The following DUX4 variants were observed in gnomAD, a reference collection of about 807,000 sequenced individuals.
DUX4 encodes double homeobox protein 4.
downstream of DUX4, among the ~76,000 whole-genome samples, chr4:190,178,267 T>TC (rs1742414091): frequency 2.0e-5 from 1 of 50,892 alleles, no homozygotes; most frequent in Non-Finnish European, 4.8e-5. Flanking sequence ...GTGATCAGTG[T>TC]AGAGATATGT....
intron 1 of DUX4, among the ~76,000 whole-genome samples, chr4:190,181,680 G>A (rs1742589841): frequency 2.0e-5 from 3 of 151,978 alleles, no homozygotes; most frequent in African/African-American, 7.2e-5. Context: ...GGTGATCAGT[G>A]CAGAAATATG....
At position 190,183,834 on chromosome 4, in the gene DUX4, G is replaced by T. The variant is rs1230566726; in HGVS notation, n.93-1507G>T. 5.6e-5 allele frequency among the ~76,000 whole-genome samples: 6 copies of T among 108,076 alleles called. 1 individual carries two copies. Among genetic ancestry groups the T allele is most frequent in the African/African-American group, 8.1e-5 (3 of 36,902 alleles). The allele number at this position is 108,076 out of a possible 152,430, so 70.9% of individuals were successfully genotyped here. A position where few individuals can be genotyped will look rare whatever the true frequency, so the allele number is the denominator to read the frequency against. ...GGTTACTGCTACCACCCCACAACCC[G>T]CAGCATACTGGACAAATGTCTAAGC... On this transcript the variant is annotated intron_variant and non_coding_transcript_variant, in intron 1 of 2. Transcript: ENST00000563716.
chr4:190,184,132 G>A (rs1330519601), intron 1 of DUX4, among the ~76,000 whole-genome samples: 3 of 127,614 alleles, frequency 2.4e-5, no homozygotes, highest in African/African-American at 5.0e-5. Flanking sequence ...GAGAGGCAGA[G>A]GGAGAGCATG....
chr4:190,178,099 A>T (rs1742404635), downstream of DUX4, among the ~76,000 whole-genome samples: 25 of 6,158 alleles, frequency 4.1e-3, 1 homozygote, highest in South Asian at 4.0e-3. Context: ...CAGAGCCTAG[A>T]CAAGAGTTAC....
downstream of DUX4, among the ~76,000 whole-genome samples, chr4:190,176,886 A>G (rs1430512236): frequency 0.022 from 2,300 of 103,648 alleles, 18 homozygotes; most frequent in Non-Finnish European, 0.037. Context: ...TAGATCACCT[A>G]GGTGATCAGT....
At chr4:190,181,507 G>C (rs2126584027) in intron 1 of DUX4, among the ~76,000 whole-genome samples, 1,128 of 136,768 alleles carry the variant, frequency 8.2e-3, no homozygotes, top group Middle Eastern at 0.016. Context: ...CCTATAGGCA[G>C]AGCCTGGACA....
intron 1 of DUX4, among the ~76,000 whole-genome samples, chr4:190,181,428 C>CA (rs1742570001): frequency 7.5e-5 from 8 of 106,528 alleles, no homozygotes; most frequent in Non-Finnish European, 1.1e-4. Context: ...TCACAATGCC[C>CA]CTGCAGGCAG....
At chr4:190,178,586 A>AGTTACATCACTTAGGTGATCAGTGCGAGC (rs1742435610), downstream of DUX4, among the ~76,000 whole-genome samples, 1 of 127,932 alleles carries the variant, frequency 7.8e-6, no homozygotes, top group Non-Finnish European at 1.7e-5. Flanking sequence ...GGTAGACAAG[A>AGTTACATCACTTAGGTGATCAGTGCGAGC]GTTACATCAC....
At chr4:190,181,289 C>CT (rs1579837126) in intron 1 of DUX4, among the ~76,000 whole-genome samples, 16 of 78,108 alleles carry the variant, frequency 2.0e-4, no homozygotes, top group Non-Finnish European at 3.1e-4. Flanking sequence ...TGTGACAATG[C>CT]CGCCAGTAGG....
downstream of DUX4, among the ~76,000 whole-genome samples, chr4:190,176,122 T>G (rs1742292990): frequency 9.0e-6 from 1 of 111,116 alleles, no homozygotes; most frequent in African/African-American, 2.6e-5. Context: ...TGTAGGCAAG[T>G]GTTCCCTCCC....
chr4:190,179,451 TA>T (rs1742493721), downstream of DUX4, among the ~76,000 whole-genome samples: 4 of 139,814 alleles, frequency 2.9e-5, no homozygotes, highest in South Asian at 2.3e-4. Flanking sequence ...AAGCACCCTG[TA>T]AGCAGATCCT....
downstream of DUX4, among the ~76,000 whole-genome samples, chr4:190,179,797 G>GC (rs1742513675): frequency 4.7e-5 from 2 of 42,970 alleles, no homozygotes; most frequent in Admixed American, 2.5e-4. Context: ...CTGTAGGCAA[G>GC]CCTACACAAG....
chr4:190,177,862 ATG>A (rs1579833424), downstream of DUX4, among the ~76,000 whole-genome samples: 358 of 125,808 alleles, frequency 2.8e-3, no homozygotes, highest in South Asian at 7.5e-3. Flanking sequence ...GTGCAGAGAT[ATG>A]TCACAATGTC....
chr4:190,179,707 G>T, downstream of DUX4, among the ~76,000 whole-genome samples: 4 of 152,294 alleles, frequency 2.6e-5, no homozygotes, highest in Admixed American at 6.5e-5. Context: ...GCAGAGATAT[G>T]TCTCAATCCC....
chr4:190,183,295 C>T (rs1161408442), intron 1 of DUX4: 2 of 109,076 alleles, frequency 1.8e-5, no homozygotes, highest in African/African-American at 5.3e-5. Context: ...AGTTTCTCCT[C>T]ATGGAAAGGT....
intron 1 of DUX4, among the ~76,000 whole-genome samples, chr4:190,181,838 C>T (rs1259635724): frequency 9.1e-5 from 6 of 65,778 alleles, no homozygotes; most frequent in Admixed American, 2.2e-4. Flanking sequence ...TCACAATCCC[C>T]CAAGTAAGCA....
downstream of DUX4, among the ~76,000 whole-genome samples, chr4:190,179,586 T>C (rs2126578717): frequency 8.1e-3 from 962 of 118,458 alleles, 1 homozygote; most frequent in East Asian, 0.024. Flanking sequence ...CAATGCTGTG[T>C]AGCCAGAGCC....
chr4:190,181,759 T>TCAC (rs1742593806), intron 1 of DUX4, among the ~76,000 whole-genome samples: 1 of 45,800 alleles, frequency 2.2e-5, no homozygotes. Context: ...CAGAGATATG[T>TCAC]AACAATGCCC....
At chr4:190,177,760 G>GGGTT (rs1742384807), downstream of DUX4, among the ~76,000 whole-genome samples, 1 of 151,588 alleles carries the variant, frequency 6.6e-6, no homozygotes, top group Admixed American at 6.6e-5. Context: ...GCCTAGACAA[G>GGGTT]AGTCCCATCA....
Sources: allele counts gnomAD v4.1 joint callset (sites outside exome capture counted in the v4.1 genomes callset), GRCh38; gene constraint gnomAD v4.1.1; transcripts MANE v1.5; gene names NCBI Gene and HGNC (gene_info 2026-07-23, HGNC 2026-07-21).